DUSP29: variants seen among roughly 807,000 people sequenced by gnomAD.
The protein encoded by DUSP29 is atypical dual-specific protein phosphatase.
A neutral mutation model predicts 13.5 loss-of-function variants in DUSP29; 12 were observed. The observed-to-expected ratio is 0.89, with a 90% CI of 0.57 to 1.44. The LOEUF is 1.44. Among genes scored for constraint, DUSP29 ranks in the 40% most tolerant of loss-of-function variants. The pLI, the probability that DUSP29 is intolerant of heterozygous loss-of-function variation, is 0.00. For synonymous variants in DUSP29, 134 were observed against 128.7 expected (o/e 1.04, Z -0.28); for missense variants, 308 against 301.1 (o/e 1.02, Z -0.17).
chr10:75,059,193 C>T (rs557879708), intron 1 of DUSP29, among the ~76,000 whole-genome samples: 1 of 152,284 alleles, frequency 6.6e-6, no homozygotes, highest in African/African-American at 2.4e-5. Context: ...GTTAACTTAC[C>T]AAGGGGATTG....
intron 3 of DUSP29, 150 bp from the exon 4 acceptor site, chr10:75,038,227 A>G: frequency 3.0e-6 from 3 of 991,714 alleles, no homozygotes; most frequent in Non-Finnish European, 4.2e-6. Flanking sequence ...GAACGGGGAC[A>G]CTCTCGGTGT....
At chr10:75,064,483 A>G (rs1472331774) in intron 1 of DUSP29, among the ~76,000 whole-genome samples, 1 of 152,140 alleles carries the variant, frequency 6.6e-6, no homozygotes, top group African/African-American at 2.4e-5. Flanking sequence ...ACTCCAGCCT[A>G]GTGACAGAGC....
intron 2 of DUSP29, among the ~76,000 whole-genome samples, chr10:75,049,211 A>G (rs910188227): frequency 3.3e-5 from 5 of 152,270 alleles, no homozygotes; most frequent in South Asian, 2.1e-4. Flanking sequence ...CATGATTTGT[A>G]TTGTTATTTC....
intron 2 of DUSP29, among the ~76,000 whole-genome samples, chr10:75,046,804 G>A (rs977988746): frequency 4.6e-5 from 7 of 152,174 alleles, no homozygotes; most frequent in Admixed American, 4.6e-4. Context: ...GTAGATCTGC[G>A]CCCAATTAAA....
At chr10:75,067,410 C>G (rs755538784) in intron 1 of DUSP29, among the ~76,000 whole-genome samples, 2 of 152,194 alleles carry the variant, frequency 1.3e-5, no homozygotes, top group African/African-American at 4.8e-5. Flanking sequence ...GGCAGCCCCC[C>G]TCCCCACCCC....
Position 75,047,974 on chromosome 10 carries a change from T to C in DUSP29, c.201-3957A>G, listed in dbSNP as rs77040928. On this transcript the variant is annotated intron_variant, in intron 2 of 3. Coordinates refer to ENST00000338487, the MANE Select transcript of DUSP29 (RefSeq NM_001003892.3). The stretch of plus-strand genomic sequence containing the variant: ...TTTGACGTGATATATTGTAAACATC[T>C]TCCTGTGGCAACATATAAGACTTCA... Among the ~76,000 whole-genome samples, 809 of 152,340 alleles carry C rather than the reference T, an allele frequency of 5.3e-3. 6 individuals carry two copies. The highest frequency in any genetic ancestry group is 0.019 in the African/African-American group (776 of 41,580).
Position 75,037,973 on chromosome 10 carries a change from G to A in DUSP29, c.526C>T (p.Gln176Ter), listed in dbSNP as rs938338386. The A allele has an allele frequency of 2.5e-6, 4 of 1,613,958 alleles. No individual in the cohort carries two copies. Among genetic ancestry groups the A allele is most frequent in the Non-Finnish European group, 2.5e-6 (3 of 1,180,040 alleles). ...KDMTLVDAIQQVAKNRCVLPN... is the reference protein window; with the variant it reads ...KDMTLVDAIQ ...AGGACGCAGCGGTTCTTGGCCACTT[G>A]CTGGATGGCGTCCACCAGGGTCATG... Residue 176 changes from glutamine to a stop codon, truncating the protein, a stop_gained, in exon 4 of 4, where the codon CAA (glutamine) becomes TAA (stop). Coordinates refer to ENST00000338487, the MANE Select transcript of DUSP29 (RefSeq NM_001003892.3). LOFTEE classifies it low-confidence loss of function (END_TRUNC).
chr10:75,059,132 G>A (rs764871041), intron 1 of DUSP29, among the ~76,000 whole-genome samples: 1 of 152,198 alleles, frequency 6.6e-6, no homozygotes, highest in African/African-American at 2.4e-5. Flanking sequence ...CCTGTCAGAA[G>A]AGCTGAAGGC....
chr10:75,039,070 A>G (rs1325164877), intron 3 of DUSP29, among the ~76,000 whole-genome samples: 2 of 152,176 alleles, frequency 1.3e-5, no homozygotes, highest in Admixed American at 1.3e-4. Flanking sequence ...GGCCAGCACT[A>G]TACCTGTGTT....
rs1055581025 is a variant in DUSP29 at position 75,068,047 on chromosome 10, A to C, written c.-35+5522T>G. On this transcript the variant is annotated intron_variant, in intron 1 of 3. Transcript: ENST00000338487. ...AGGCTGGTCTTGAACTCCTGACCTC[A>C]AATGATCCACCCCCATCAGCTTCCC... Among the ~76,000 whole-genome samples the C allele has an allele frequency of 5.2e-4, 79 of 152,256 alleles. 1 individual carries two copies. Among genetic ancestry groups the C allele is most frequent in the Admixed American group, 5.2e-3 (79 of 15,292 alleles).
intron 3 of DUSP29, among the ~76,000 whole-genome samples, chr10:75,039,881 T>C (rs1188905491): frequency 6.6e-6 from 1 of 152,152 alleles, no homozygotes; most frequent in African/African-American, 2.4e-5. Flanking sequence ...CAAGAGACCC[T>C]TCCAACAGTG....
intron 3 of DUSP29, among the ~76,000 whole-genome samples, chr10:75,038,924 G>C (rs1016862171): frequency 3.3e-5 from 5 of 152,152 alleles, no homozygotes; most frequent in Non-Finnish European, 7.3e-5. Flanking sequence ...TTCAAGCTGG[G>C]TGAATGCACA....
At chr10:75,068,684 G>A (rs1046475623) in intron 1 of DUSP29, among the ~76,000 whole-genome samples, 1 of 152,170 alleles carries the variant, frequency 6.6e-6, no homozygotes, top group Non-Finnish European at 1.5e-5. Flanking sequence ...ATGTTATTGT[G>A]GTTGGGTGAA....
At chr10:75,067,250 G>A (rs573296603) in intron 1 of DUSP29, among the ~76,000 whole-genome samples, 33 of 152,226 alleles carry the variant, frequency 2.2e-4, no homozygotes, top group Admixed American at 1.3e-3. Context: ...GTGAGCCACT[G>A]CACCCGGCCT....
chr10:75,058,608 C>T, intron 1 of DUSP29, 60 bp from the exon 2 acceptor site: 1 of 1,393,902 alleles, frequency 7.2e-7, no homozygotes. Flanking sequence ...AGGGAATAGG[C>T]TTTACAAAAA....
chr10:75,069,599 C>T (rs1049824022), intron 1 of DUSP29, among the ~76,000 whole-genome samples: 1 of 152,210 alleles, frequency 6.6e-6, no homozygotes, highest in African/African-American at 2.4e-5. Context: ...AGAGGACGCT[C>T]TGGGCCTTGG....
At chr10:75,043,628 C>G (rs1026260600) in intron 3 of DUSP29, among the ~76,000 whole-genome samples, 169 bp downstream of exon 3, 2 of 152,212 alleles carry the variant, frequency 1.3e-5, no homozygotes, top group African/African-American at 4.8e-5. Context: ...ACGCGCACAT[C>G]CCGCTTCCGG....
At position 75,072,062 on chromosome 10, in the gene DUSP29, C is replaced by G. The variant is rs1234162727; in HGVS notation, c.-35+1507G>C. ...GGAAAAACTGTCTCCCTTCTGGCTCCCCCATCTGCTGAGAGCTACTTCTAC... is the reference window on the plus strand; with the variant it reads ...GGAAAAACTGTCTCCCTTCTGGCTCGCCCATCTGCTGAGAGCTACTTCTAC... On this transcript the variant is annotated intron_variant, in intron 1 of 3. Transcript: ENST00000338487. Among the ~76,000 whole-genome samples the G allele has an allele frequency of 2.0e-5, 3 of 152,314 alleles. No homozygotes were observed. The East Asian group carries it at 5.8e-4, about 29-fold the overall frequency.
In DUSP29 at chr10:75,069,139, GT is replaced by G. The variant is rs1409814292; in HGVS notation, c.-35+4429del. The stretch of plus-strand genomic sequence containing the variant: ...ACTTGTTTGATTAACTCTTCAAATG[GT>G]TTCAAAGCGCTTGGGGTTGTAATTT... On this transcript the variant is annotated intron_variant, in intron 1 of 3. Transcript: ENST00000338487. Among the ~76,000 whole-genome samples, 9 of 152,132 alleles carry G rather than the reference GT, an allele frequency of 5.9e-5. No homozygotes were observed. In the East Asian group the frequency reaches 1.7e-3, roughly 29 times the overall value.
Sources: allele counts gnomAD v4.1 joint callset (sites outside exome capture counted in the v4.1 genomes callset), GRCh38; gene constraint gnomAD v4.1.1; transcripts MANE v1.5; gene names NCBI Gene and HGNC (gene_info 2026-07-23, HGNC 2026-07-21).